Variants in ACSM4 observed in about 807,000 individuals in gnomAD.
ACSM4 encodes the protein acyl-CoA synthetase medium chain family member 4, also known as acyl-coenzyme A synthetase ACSM4, mitochondrial.
A neutral mutation model predicts 73.0 loss-of-function variants in ACSM4; 66 were observed. That is an observed-to-expected ratio of 0.90 (90% CI 0.74 to 1.11). The LOEUF is 1.11. Ranked by LOEUF, ACSM4 falls within the 50% of genes least tolerant of loss-of-function variation. The pLI is 0.00. For missense variants in ACSM4, 645 were observed against 714.4 expected, an observed-to-expected ratio of 0.90 and a Z score of 1.11; for synonymous variants, 222 against 254.0, an observed-to-expected ratio of 0.87 and a Z score of 1.20.
Position 7,318,060 on chromosome 12 carries a change from T to A in ACSM4, c.799T>A (p.Trp267Arg). The A allele has an allele frequency of 6.2e-7, 1 of 1,613,804 alleles. No individual in the cohort carries two copies. The highest frequency in any genetic ancestry group is 1.3e-5 in the African/African-American group (1 of 75,040). Reference protein sequence around the residue: ...WLDLKSSDIIWNMSDTGWVKA... With the variant: ...WLDLKSSDIIRNMSDTGWVKA... Reference sequence around the variant, plus strand: ...GGACTTGAAGTCCTCAGATATCATATGGAATATGTCTGACACGGGCTGGGT... The same window carrying A: ...GGACTTGAAGTCCTCAGATATCATAAGGAATATGTCTGACACGGGCTGGGT... Residue 267 changes from tryptophan to arginine, a missense_variant, in exon 5 of 13, where the codon TGG (tryptophan) becomes AGG (arginine). Physicochemically the swap from Trp to Arg is moderately radical, Grantham distance 101. Transcript: ENST00000399422.
chr12:7,306,802 G>T, intron 2 of ACSM4, 59 bp downstream of exon 2: 1 of 1,314,900 alleles, frequency 7.6e-7, no homozygotes, highest in Non-Finnish European at 1.0e-6. Flanking sequence ...AAACTCAATG[G>T]TTTTCTGAAT....
chr12:7,310,251 T>G (rs1450430255), intron 2 of ACSM4, among the ~76,000 whole-genome samples: 1 of 152,236 alleles, frequency 6.6e-6, no homozygotes, highest in Non-Finnish European at 1.5e-5. Context: ...TTACTGTTGT[T>G]ATTCCCATTT....
chr12:7,305,514 TC>T (rs1946357005), intron 1 of ACSM4, among the ~76,000 whole-genome samples: 1 of 152,146 alleles, frequency 6.6e-6, no homozygotes, highest in South Asian at 2.1e-4. Flanking sequence ...TTTCACCAAA[TC>T]CCCATAACAA....
At chr12:7,311,298 A>C (rs1412685122) in intron 3 of ACSM4, among the ~76,000 whole-genome samples, 5 of 152,142 alleles carry the variant, frequency 3.3e-5, no homozygotes, top group Non-Finnish European at 7.4e-5. Context: ...GTGGCCTATG[A>C]TGAGTATCCT....
rs977464473 is a variant in ACSM4, at chr12:7,328,451, C to A, written c.*78C>A. ...ATTTGTTCCGATAATTCAGCGACTACTCTCTTAAAATGTTTAAGATCTTTC... is the reference window on the plus strand; with the variant it reads ...ATTTGTTCCGATAATTCAGCGACTAATCTCTTAAAATGTTTAAGATCTTTC... On this transcript the variant is annotated 3_prime_UTR_variant, in exon 13 of 13. Coordinates refer to ENST00000399422, the MANE Select transcript of ACSM4 (RefSeq NM_001080454.2). The A allele has an allele frequency of 5.3e-5, 61 of 1,140,664 alleles. No individual in the cohort carries two copies. Among genetic ancestry groups the A allele is most frequent in the Non-Finnish European group, 7.1e-5 (59 of 832,438 alleles). 70.7% of individuals were successfully genotyped at this position (1,140,664 alleles called of 1,614,324 possible).
In ACSM4 at chr12:7,304,284, C is replaced by T. The variant is rs1029540352; in HGVS notation, c.-48C>T. The T allele has an allele frequency of 6.4e-7, 1 of 1,561,306 alleles. No homozygotes were observed. ...CTCTCTATCCATCTCTCCCTACAGG[C>T]TGTAGTACTTCTGTGTCCATAGCAG... On this transcript the variant is annotated 5_prime_UTR_variant, in exon 1 of 13. Transcript: ENST00000399422.
chr12:7,306,672 G>C lies in ACSM4; in HGVS notation c.341G>C (p.Gly114Ala), dbSNP rs1464300219. ...VLTKPCGLQR[G>A]DRLAVILPRI... ...ACCAAGCCCTGTGGCCTGCAGAGAGGAGACCGTTTGGCCGTGATTCTGCCC... is the reference window on the plus strand; with the variant it reads ...ACCAAGCCCTGTGGCCTGCAGAGAGCAGACCGTTTGGCCGTGATTCTGCCC... The change falls in exon 2 of 13, where the codon GGA becomes GCA. Residue 114 changes from glycine (G) to alanine (A), a missense_variant. Coordinates refer to ENST00000399422, the MANE Select transcript of ACSM4 (RefSeq NM_001080454.2). 3 of 1,611,212 alleles carry C rather than the reference G, an allele frequency of 1.9e-6. No homozygotes were observed. In the African/African-American group the frequency reaches 4.0e-5, roughly 22 times the overall value.
Position 7,323,325 on chromosome 12 carries a change from A to G in ACSM4, c.1206+11A>G, listed in dbSNP as rs1946478592. The stretch of plus-strand genomic sequence containing the variant: ...CCCTATGATGTCCAGGTAGGTTGAG[A>G]AAATATCTGACTGGTTCAGTAAAGG... On this transcript the variant is annotated intron_variant, in intron 8 of 12. Transcript: ENST00000399422. 1.2e-6 allele frequency: 2 copies of G among 1,608,252 alleles called. No individual in the cohort carries two copies. Among genetic ancestry groups the G allele is most frequent in the Admixed American group, 1.7e-5 (1 of 59,314 alleles).
rs766517307 is a variant in ACSM4 at position 7,321,788 on chromosome 12, T to G, written c.1002-630T>G. Among the ~76,000 whole-genome samples the G allele has an allele frequency of 1.4e-3, 209 of 152,312 alleles. 2 individuals are homozygous for G. Among genetic ancestry groups the G allele is most frequent in the African/African-American group, 4.8e-3 (200 of 41,572 alleles). On this transcript the variant is annotated intron_variant, in intron 6 of 12. Coordinates refer to ENST00000399422, the MANE Select transcript of ACSM4 (RefSeq NM_001080454.2). ...CCTGCTACTTACTAATCACGTGGCC[T>G]TGGACACTCAAGATAACCTTGCTAA...
chr12:7,321,236 AAAAG>A (rs1946461459), intron 6 of ACSM4, among the ~76,000 whole-genome samples: 2 of 152,338 alleles, frequency 1.3e-5, no homozygotes, highest in African/African-American at 4.8e-5. Context: ...TAGAACTCAA[AAAAG>A]AAAGAAAGAA....
In ACSM4 at chr12:7,323,322, G is replaced by A. The variant is rs746679132; in HGVS notation, c.1206+8G>A. On this transcript the variant is annotated splice_region_variant and intron_variant, in intron 8 of 12. Transcript: ENST00000399422. ...CTGCCCTATGATGTCCAGGTAGGTT[G>A]AGAAAATATCTGACTGGTTCAGTAA... 6.2e-7 allele frequency: 1 copy of A among 1,608,946 alleles called. No individual in the cohort carries two copies. The highest frequency in any genetic ancestry group is 8.5e-7 in the Non-Finnish European group (1 of 1,177,412).
At chr12:7,308,943 T>G (rs1946375271) in intron 2 of ACSM4, among the ~76,000 whole-genome samples, 1 of 152,210 alleles carries the variant, frequency 6.6e-6, no homozygotes, top group Non-Finnish European at 1.5e-5. Flanking sequence ...ACTTATTGAC[T>G]TTGTGACCCT....
At chr12:7,326,771 C>T (rs989310036) in intron 11 of ACSM4, among the ~76,000 whole-genome samples, 44 of 152,182 alleles carry the variant, frequency 2.9e-4, no homozygotes, top group Non-Finnish European at 5.1e-4. Context: ...ACTCCTCACA[C>T]TCATAAACCA....
At chr12:7,310,911 AT>A (rs1946387089) in intron 3 of ACSM4, among the ~76,000 whole-genome samples, 165 bp downstream of exon 3, 1 of 152,184 alleles carries the variant, frequency 6.6e-6, no homozygotes, top group Non-Finnish European at 1.5e-5. Flanking sequence ...CACACCTGTA[AT>A]CCCAGCACTT....
chr12:7,304,458 C>A lies in ACSM4; in HGVS notation c.127C>A (p.Arg43Ser). The change falls in exon 1 of 13, where the codon CGC becomes AGC. Residue 43 changes from arginine (R) to serine (S), a missense_variant. By Grantham distance (110) the Arg-to-Ser change is moderately radical. Coordinates refer to ENST00000399422, the MANE Select transcript of ACSM4 (RefSeq NM_001080454.2). ...LTLADFEAIN[R>S]CNRPLPKNFN... is the part of the protein sequence containing the mutation. ...TCTTGCTGACTTTGAAGCCATAAATCGCTGTAACAGGCCATTGCCTAAAAA... is the reference window on the plus strand; with the variant it reads ...TCTTGCTGACTTTGAAGCCATAAATAGCTGTAACAGGCCATTGCCTAAAAA... 3 of 1,613,962 alleles carry A rather than the reference C, an allele frequency of 1.9e-6. 1 individual carries two copies. Among genetic ancestry groups the A allele is most frequent in the Middle Eastern group, 3.3e-4 (2 of 6,060 alleles).
Position 7,328,355 on chromosome 12 carries a change from A to G in ACSM4, c.1725A>G (p.Gln575=). 1 of 1,591,288 alleles carries G rather than the reference A, an allele frequency of 6.3e-7. No homozygotes were observed. Among genetic ancestry groups the G allele is most frequent in the Non-Finnish European group, 8.6e-7 (1 of 1,167,970 alleles). ...GKIKRNVLRD[Q]EWRGR ...TCAAACGCAACGTTTTAAGAGACCA[A>G]GAATGGAGAGGAAGATAGTTTGATA... is the stretch of plus-strand genomic sequence containing the variant. Residue 575 remains glutamine (Q), a synonymous_variant, in exon 13 of 13, where the codon CAA becomes CAG. Coordinates refer to ENST00000399422, the MANE Select transcript of ACSM4 (RefSeq NM_001080454.2).
At chr12:7,305,077 C>T (rs1337664341) in intron 1 of ACSM4, among the ~76,000 whole-genome samples, 2 of 152,146 alleles carry the variant, frequency 1.3e-5, no homozygotes, top group Admixed American at 6.5e-5. Context: ...TGGATGGGAA[C>T]ATGATGTTAG....
intron 3 of ACSM4, among the ~76,000 whole-genome samples, chr12:7,314,799 A>G (rs1307370802): frequency 6.6e-6 from 1 of 152,200 alleles, no homozygotes; most frequent in Non-Finnish European, 1.5e-5. Context: ...TACACTGAAA[A>G]GAAAATCAAT....
chr12:7,327,061 A>G lies in ACSM4; in HGVS notation c.1622A>G (p.Lys541Arg). The G allele has an allele frequency of 6.2e-7, 1 of 1,611,146 alleles. No individual in the cohort carries two copies. The highest frequency in any genetic ancestry group is 1.1e-5 in the South Asian group (1 of 90,130). ...KLTLELQDHVKKSTAPYKYPR... is the reference protein window; with the variant it reads ...KLTLELQDHVRKSTAPYKYPR... ...ACTCTTGAACTTCAGGATCATGTGA[A>G]AAAATCAACTGCACCTTACAAATAT... Residue 541 changes from lysine to arginine, a missense_variant, in exon 12 of 13, where the codon AAA becomes AGA. Lys to Arg is a conservative substitution (Grantham distance 26). Coordinates refer to ENST00000399422, the MANE Select transcript of ACSM4 (RefSeq NM_001080454.2).
Sources: gnomAD v4.1 joint callset for allele counts (sites outside exome capture counted in the v4.1 genomes callset) on GRCh38, gnomAD v4.1.1 for gene constraint, MANE v1.5 for transcripts, NCBI Gene and HGNC (gene_info 2026-07-23, HGNC 2026-07-21) for gene names.